Variants in CSMD1 observed in about 807,000 individuals in gnomAD.
CSMD1 encodes CUB and sushi domain-containing protein 1.
CSMD1 carries 213 observed loss-of-function variants against 417.5 expected under a neutral mutation model. That is an observed-to-expected ratio of 0.51 (90% confidence interval 0.46 to 0.57). The LOEUF (loss-of-function observed/expected upper bound fraction) is 0.57. CSMD1 is among the 20% of genes least tolerant of loss of function. The pLI is 0.00. For missense variants in CSMD1, 6,923 were observed against 4,529.7 expected (o/e 1.53, Z -15.17); for synonymous variants, 2,862 against 1,736.8 (o/e 1.65, Z -16.11).
chr8:3,883,776 A>G (rs1806370696), intron 5 of CSMD1, among the ~76,000 whole-genome samples: 1 of 152,278 alleles, frequency 6.6e-6, no homozygotes, highest in African/African-American at 2.4e-5. Flanking sequence ...ACAGGGAAAA[A>G]GCAGCTTTTA....
At chr8:3,627,897 A>G (rs906526371) in intron 7 of CSMD1, among the ~76,000 whole-genome samples, 1 of 152,098 alleles carries the variant, frequency 6.6e-6, no homozygotes, top group Non-Finnish European at 1.5e-5. Context: ...CCTTTAGGAG[A>G]GCTTTAAGGA....
chr8:3,998,795 A>G (rs190935567), intron 4 of CSMD1, among the ~76,000 whole-genome samples: 239 of 151,740 alleles, frequency 1.6e-3, no homozygotes, highest in African/African-American at 5.1e-3. Flanking sequence ...TAAGTTTGCT[A>G]TAGAGTAAAA....
chr8:4,046,525 C>T (rs1563360426), intron 3 of CSMD1, among the ~76,000 whole-genome samples: 1 of 152,136 alleles, frequency 6.6e-6, no homozygotes. Context: ...TTGCCTTACA[C>T]GTCATGTATT....
At chr8:3,040,174 A>G (rs959657997) in intron 50 of CSMD1, among the ~76,000 whole-genome samples, 2 of 152,166 alleles carry the variant, frequency 1.3e-5, no homozygotes, top group Non-Finnish European at 2.9e-5. Flanking sequence ...GAAAGAAGGA[A>G]CGAACATCCA....
At chr8:3,058,366 G>A (rs1049146223) in intron 49 of CSMD1, among the ~76,000 whole-genome samples, 2 of 152,102 alleles carry the variant, frequency 1.3e-5, no homozygotes, top group Non-Finnish European at 2.9e-5. Context: ...TATTAGACCC[G>A]TATTTGTGGG....
At chr8:3,595,571 C>T (rs1451776172) in intron 8 of CSMD1, among the ~76,000 whole-genome samples, 1 of 152,136 alleles carries the variant, frequency 6.6e-6, no homozygotes, top group Non-Finnish European at 1.5e-5. Flanking sequence ...CAACAAAGAT[C>T]CCTTAATGAC....
intron 5 of CSMD1, among the ~76,000 whole-genome samples, chr8:3,922,526 T>C (rs1422257427): frequency 6.6e-6 from 1 of 152,152 alleles, no homozygotes; most frequent in African/African-American, 2.4e-5. Flanking sequence ...CTTTTCTATT[T>C]ATTTTTTGTA....
chr8:4,005,949 T>C (rs939119473), intron 4 of CSMD1, among the ~76,000 whole-genome samples: 1 of 152,184 alleles, frequency 6.6e-6, no homozygotes, highest in Non-Finnish European at 1.5e-5. Flanking sequence ...TTAATTAATT[T>C]ATTCATTCAA....
chr8:3,506,716 G>C (rs576256257), intron 10 of CSMD1, among the ~76,000 whole-genome samples: 51 of 152,176 alleles, frequency 3.4e-4, no homozygotes, highest in Non-Finnish European at 6.3e-4. Context: ...AAAGAAAGGA[G>C]GCAATGATTG....
chr8:3,369,423 C>T (rs562054534), intron 18 of CSMD1, 53 bp from the exon 19 acceptor site: 2 of 867,888 alleles, frequency 2.3e-6, no homozygotes, highest in African/African-American at 3.4e-5. Flanking sequence ...CAATGATTGC[C>T]AGAACAAAAT....
At chr8:3,680,145 C>T (rs1409767274) in intron 7 of CSMD1, among the ~76,000 whole-genome samples, 1 of 152,036 alleles carries the variant, frequency 6.6e-6, no homozygotes, top group Non-Finnish European at 1.5e-5. Context: ...CAAGAGCAAA[C>T]ACATTCAAAA....
intron 1 of CSMD1, among the ~76,000 whole-genome samples, chr8:4,867,957 C>T (rs1246772067): frequency 2.7e-5 from 1 of 37,108 alleles, no homozygotes; most frequent in Non-Finnish European, 9.6e-5. Flanking sequence ...TCTACAAGTG[C>T]CTTAGATATT....
intron 18 of CSMD1, among the ~76,000 whole-genome samples, chr8:3,384,383 A>C (rs1399933455): frequency 1.3e-5 from 2 of 151,914 alleles, no homozygotes; most frequent in Admixed American, 6.6e-5. Flanking sequence ...TTTTCTACAA[A>C]ATGGAATAAT....
chr8:4,691,499 T>A (rs1360017143), intron 1 of CSMD1, among the ~76,000 whole-genome samples: 1 of 152,206 alleles, frequency 6.6e-6, no homozygotes, highest in Non-Finnish European at 1.5e-5. Flanking sequence ...TTATTTGTAT[T>A]TTTCCCCGCT....
chr8:3,124,542 T>A (rs962293041), intron 41 of CSMD1, among the ~76,000 whole-genome samples: 1 of 152,178 alleles, frequency 6.6e-6, no homozygotes, highest in African/African-American at 2.4e-5. Context: ...GTTCTAAACA[T>A]AGAAAGAGTT....
chr8:4,071,010 G>A (rs1181441360), intron 3 of CSMD1, among the ~76,000 whole-genome samples: 2 of 152,238 alleles, frequency 1.3e-5, no homozygotes, highest in Non-Finnish European at 2.9e-5. Flanking sequence ...ATTTTCTGTG[G>A]CTGCTTTCAA....
chr8:3,434,948 G>T (rs1313180743), intron 12 of CSMD1, among the ~76,000 whole-genome samples: 2 of 152,180 alleles, frequency 1.3e-5, no homozygotes, highest in African/African-American at 4.8e-5. Context: ...CAGTTCCCAT[G>T]TGCTGTTCAC....
At position 4,918,684 on chromosome 8, in the gene CSMD1, C is replaced by G. The variant is rs548960575; in HGVS notation, c.85+75648G>C. Among the ~76,000 whole-genome samples the G allele has an allele frequency of 3.3e-5, 5 of 152,278 alleles. No homozygotes were observed. The South Asian group carries it at 6.2e-4, about 19-fold the overall frequency. Reference sequence around the variant, plus strand: ...AATCTCACTATTTCAGTGAAATAAACTTATTATTTGACTAATACATTTTTC... The same window carrying G: ...AATCTCACTATTTCAGTGAAATAAAGTTATTATTTGACTAATACATTTTTC... On this transcript the variant is annotated intron_variant, in intron 1 of 69. Transcript: ENST00000635120.
chr8:4,067,774 T>C lies in CSMD1; in HGVS notation c.416-35675A>G, dbSNP rs1193364745. Among the ~76,000 whole-genome samples the C allele has an allele frequency of 3.3e-5, 5 of 152,252 alleles. No homozygotes were observed. In the South Asian group the frequency reaches 1.0e-3, roughly 32 times the overall value. ...ACAACTAATTGTATGAACGTTTTCC[T>C]GTAAACAGAATTACTAAAATGGGGC... On this transcript the variant is annotated intron_variant, in intron 3 of 69. Transcript: ENST00000635120.
Sources: gnomAD v4.1 joint callset for allele counts (sites outside exome capture counted in the v4.1 genomes callset) on GRCh38, gnomAD v4.1.1 for gene constraint, MANE v1.5 for transcripts, NCBI Gene and HGNC (gene_info 2026-07-23, HGNC 2026-07-21) for gene names.